Variants in LPGAT1 observed in about 807,000 individuals in gnomAD.
LPGAT1 encodes the protein lysophosphatidylglycerol acyltransferase 1.
A neutral mutation model predicts 47.5 loss-of-function variants in LPGAT1; 11 were observed. The ratio of observed to expected loss-of-function variants is 0.23; its 90% CI spans 0.15 to 0.38. LPGAT1 has a LOEUF of 0.38. Among genes scored for constraint, LPGAT1 ranks in the 10% least tolerant of loss-of-function variants. LPGAT1 has a pLI of 1.00. For missense variants in LPGAT1, 293 were observed against 439.0 expected, an observed-to-expected ratio of 0.67 and a Z score of 2.97; for synonymous variants, 138 against 144.2, an observed-to-expected ratio of 0.96 and a Z score of 0.31.
chr1:211,805,257 A>AC (rs1174931960), intron 2 of LPGAT1, among the ~76,000 whole-genome samples: 8 of 152,244 alleles, frequency 5.3e-5, no homozygotes, highest in African/African-American at 1.9e-4. Context: ...AGACATCACT[A>AC]CAAACGTTCC....
chr1:211,824,828 A>G (rs993835685), intron 2 of LPGAT1, among the ~76,000 whole-genome samples: 1 of 152,236 alleles, frequency 6.6e-6, no homozygotes, highest in Admixed American at 6.5e-5. Context: ...AGAATTTCAA[A>G]GTCAGAAATA....
chr1:211,805,114 TG>T (rs969753792), intron 2 of LPGAT1, among the ~76,000 whole-genome samples: 39 of 55,308 alleles, frequency 7.1e-4, no homozygotes, highest in African/African-American at 2.7e-3. Flanking sequence ...ATCAATGAAA[TG>T]AAAAAAAAAA....
chr1:211,827,628 G>A (rs1660578381), intron 2 of LPGAT1, among the ~76,000 whole-genome samples: 4 of 152,092 alleles, frequency 2.6e-5, no homozygotes. Context: ...ACATATATTT[G>A]GGAACACTCA....
chr1:211,807,370 A>G (rs1196170718), intron 2 of LPGAT1, among the ~76,000 whole-genome samples: 1 of 152,038 alleles, frequency 6.6e-6, no homozygotes, highest in Non-Finnish European at 1.5e-5. Flanking sequence ...ACTCGAAGCC[A>G]GTCAAAACTG....
rs904834053 is a variant in LPGAT1, at chr1:211,748,280, C to T, written c.*1619G>A. On this transcript the variant is annotated 3_prime_UTR_variant, in exon 8 of 8. Transcript: ENST00000366997. ...CCTACTCATCTCACTGATGCAGTAC[C>T]AGCACTTTTGGAGAAGGGTGTGGTT... 3.3e-5 allele frequency: 5 copies of T among 152,584 alleles called. No homozygotes were observed. Among genetic ancestry groups the T allele is most frequent in the African/African-American group, 1.2e-4 (5 of 41,446 alleles). 9.5% of individuals were successfully genotyped at this position (152,584 alleles called of 1,614,324 possible).
chr1:211,808,286 A>C (rs1364050365), intron 2 of LPGAT1, among the ~76,000 whole-genome samples: 5 of 149,990 alleles, frequency 3.3e-5, no homozygotes, highest in African/African-American at 1.2e-4. Context: ...GGTTGTGGAA[A>C]TTGCAGTGAG....
At chr1:211,758,313 A>G (rs1031645180) in intron 6 of LPGAT1, among the ~76,000 whole-genome samples, 2 of 152,228 alleles carry the variant, frequency 1.3e-5, no homozygotes, top group African/African-American at 4.8e-5. Flanking sequence ...TTTAATTTGC[A>G]GGTAAAAGAC....
chr1:211,784,986 G>C (rs1331239094), intron 4 of LPGAT1, among the ~76,000 whole-genome samples: 1 of 151,750 alleles, frequency 6.6e-6, no homozygotes, highest in East Asian at 1.9e-4. Flanking sequence ...TTTGTTTTTA[G>C]TAGAGATGGG....
At chr1:211,822,793 A>G (rs552929969) in intron 2 of LPGAT1, among the ~76,000 whole-genome samples, 1 of 139,728 alleles carries the variant, frequency 7.2e-6, no homozygotes, top group African/African-American at 2.7e-5. Flanking sequence ...AAAAAAAAAA[A>G]TCAGTTGTCA....
intron 2 of LPGAT1, among the ~76,000 whole-genome samples, chr1:211,822,047 T>A (rs543811240): frequency 1.7e-3 from 260 of 152,272 alleles, no homozygotes; most frequent in South Asian, 2.7e-3. Context: ...CACATCTAAA[T>A]CAAAGCAAAT....
At chr1:211,814,585 A>C (rs1660106588) in intron 2 of LPGAT1, among the ~76,000 whole-genome samples, 1 of 152,188 alleles carries the variant, frequency 6.6e-6, no homozygotes, top group Non-Finnish European at 1.5e-5. Flanking sequence ...CTCACCAAGA[A>C]CAGTTTCCTA....
In LPGAT1 at chr1:211,826,803, T is replaced by C. The variant is rs117456961; in HGVS notation, c.238+2256A>G. Among the ~76,000 whole-genome samples, 18 of 152,324 alleles carry C rather than the reference T, an allele frequency of 1.2e-4. No individual in the cohort carries two copies. The East Asian group carries it at 2.5e-3, about 21-fold the overall frequency. ...CAATTTTTATTCTAAAACATGAACA[T>C]ACTTAATCTGCTGAGCAGAATTCCT... On this transcript the variant is annotated intron_variant, in intron 2 of 7. Transcript: ENST00000366997.
At chr1:211,767,584 A>G (rs997261413) in intron 6 of LPGAT1, among the ~76,000 whole-genome samples, 1 of 152,198 alleles carries the variant, frequency 6.6e-6, no homozygotes, top group Non-Finnish European at 1.5e-5. Flanking sequence ...CCATTTTCCA[A>G]CTGGTAGCTC....
chr1:211,817,160 A>AG (rs1250263354), intron 2 of LPGAT1, among the ~76,000 whole-genome samples: 1 of 152,218 alleles, frequency 6.6e-6, no homozygotes, highest in Non-Finnish European at 1.5e-5. Context: ...ACCTCAATTA[A>AG]CTTTAATAAA....
At chr1:211,768,098 A>G (rs552702152) in intron 6 of LPGAT1, among the ~76,000 whole-genome samples, 53 of 152,330 alleles carry the variant, frequency 3.5e-4, no homozygotes, top group African/African-American at 1.2e-3. Context: ...CTTAAAGCTC[A>G]GTTTTAAATT....
At chr1:211,762,070 A>G (rs1558256822) in intron 6 of LPGAT1, among the ~76,000 whole-genome samples, 1 of 152,262 alleles carries the variant, frequency 6.6e-6, no homozygotes, top group Non-Finnish European at 1.5e-5. Flanking sequence ...TAATTACTTT[A>G]TAAGATTAAT....
chr1:211,770,546 T>C (rs1658122052), intron 6 of LPGAT1, among the ~76,000 whole-genome samples: 1 of 152,234 alleles, frequency 6.6e-6, no homozygotes, highest in Non-Finnish European at 1.5e-5. Context: ...ACTGCATATA[T>C]GACAATGGTT....
intron 6 of LPGAT1, among the ~76,000 whole-genome samples, chr1:211,771,265 G>C (rs895390078): frequency 6.6e-6 from 1 of 152,122 alleles, no homozygotes; most frequent in Non-Finnish European, 1.5e-5. Context: ...TATAGCCTAG[G>C]TGTGTAGTAG....
chr1:211,774,206 C>T (rs1311137162), intron 6 of LPGAT1, among the ~76,000 whole-genome samples: 1 of 122,822 alleles, frequency 8.1e-6, no homozygotes, highest in Non-Finnish European at 1.6e-5. Flanking sequence ...ACAATCTCGG[C>T]TCACCACAAC....
Sources: allele counts gnomAD v4.1 joint callset (sites outside exome capture counted in the v4.1 genomes callset), GRCh38; gene constraint gnomAD v4.1.1; transcripts MANE v1.5; gene names NCBI Gene and HGNC (gene_info 2026-07-23, HGNC 2026-07-21).